Variants in RABGEF1 observed in about 807,000 individuals in gnomAD.
RABGEF1 encodes the protein RAB guanine nucleotide exchange factor 1, also known as rab5 GDP/GTP exchange factor.
A neutral mutation model predicts 57.3 loss-of-function variants in RABGEF1; 26 were observed. The ratio of observed to expected loss-of-function variants is 0.45; its 90% CI spans 0.33 to 0.63. The LOEUF (loss-of-function observed/expected upper bound fraction) is 0.63. Ranked by LOEUF, RABGEF1 falls within the 20% of genes least tolerant of loss-of-function variation. RABGEF1 has a pLI of 0.02. For missense variants in RABGEF1, 464 were observed against 607.6 expected, an observed-to-expected ratio of 0.76 and a Z score of 2.48; for synonymous variants, 185 against 210.7, an observed-to-expected ratio of 0.88 and a Z score of 1.06.
chr7:66,697,149 G>T (rs1448625476), intron 1 of RABGEF1, among the ~76,000 whole-genome samples: 1 of 152,106 alleles, frequency 6.6e-6, no homozygotes. Flanking sequence ...AGTGAGAGGG[G>T]CTGGGAAGAA....
intron 1 of RABGEF1, among the ~76,000 whole-genome samples, chr7:66,750,158 T>A (rs1019644182): frequency 2.0e-5 from 3 of 152,110 alleles, no homozygotes; most frequent in Non-Finnish European, 2.9e-5. Context: ...CTGATGAGAG[T>A]GTAGATTTTA....
the RABGEF1 span, among the ~76,000 whole-genome samples, chr7:66,661,316 A>C: frequency 2.0e-5 from 3 of 151,422 alleles, 1 homozygote; most frequent in Non-Finnish European, 1.5e-5. Flanking sequence ...AAAAAAAAAA[A>C]ATGAGGGCGT....
intron 1 of RABGEF1, among the ~76,000 whole-genome samples, chr7:66,770,626 G>T (rs1200686173): frequency 6.6e-6 from 1 of 152,116 alleles, no homozygotes; most frequent in Non-Finnish European, 1.5e-5. Context: ...TGGGACTACA[G>T]GCATACACCA....
In RABGEF1 at chr7:66,764,682, A is replaced by G. The variant is rs868723167; in HGVS notation, c.-17-7201A>G. Among the ~76,000 whole-genome samples the G allele has an allele frequency of 3.9e-5, 6 of 152,168 alleles. No individual in the cohort carries two copies. In the South Asian group the frequency reaches 1.2e-3, roughly 32 times the overall value. ...TAACATCGTTCTTTTGCATGTGGCT[A>G]TCCAATTTTCCCGGCACTATTTGGT... On this transcript the variant is annotated intron_variant, in intron 1 of 8. Coordinates refer to ENST00000284957, the MANE Select transcript of RABGEF1 (RefSeq NM_014504.3).
At chr7:66,804,845 C>T (rs911670316) in intron 7 of RABGEF1, among the ~76,000 whole-genome samples, 45 of 152,114 alleles carry the variant, frequency 3.0e-4, no homozygotes, top group Admixed American at 2.6e-4. Flanking sequence ...CATTTAACCT[C>T]TCTGAACTTC....
At chr7:66,743,285 G>A (rs1375142378) in intron 1 of RABGEF1, among the ~76,000 whole-genome samples, 1 of 150,940 alleles carries the variant, frequency 6.6e-6, no homozygotes, top group Non-Finnish European at 1.5e-5. Flanking sequence ...ACTCCAGCCT[G>A]GGCGACAGAG....
the RABGEF1 span, among the ~76,000 whole-genome samples, chr7:66,661,842 T>C: frequency 3.3e-5 from 5 of 152,206 alleles, no homozygotes; most frequent in Non-Finnish European, 5.9e-5. Flanking sequence ...ATATTACTTA[T>C]GAACATTGGT....
In RABGEF1 at chr7:66,716,421, G is replaced by A. The variant is rs1280648923; in HGVS notation, c.-815+4197G>A. 5.9e-5 allele frequency among the ~76,000 whole-genome samples: 9 copies of A among 152,098 alleles called. No homozygotes were observed. The East Asian group carries it at 7.7e-4, about 13-fold the overall frequency. On this transcript the variant is annotated intron_variant and NMD_transcript_variant, in intron 2 of 9. Transcript: ENST00000607882. ...TTGAGACCAGCCTGGGCAACGTGAC[G>A]AAAACCTGTCTCTACCAAAAATGCA...
intron 5 of RABGEF1, among the ~76,000 whole-genome samples, chr7:66,797,098 G>A (rs1005775605): frequency 1.3e-5 from 2 of 151,622 alleles, no homozygotes; most frequent in African/African-American, 2.4e-5. Context: ...CCAGGAGTTC[G>A]AGACCAGCCT....
intron 1 of RABGEF1, among the ~76,000 whole-genome samples, chr7:66,696,819 C>T (rs1043913078): frequency 2.6e-5 from 4 of 152,066 alleles, no homozygotes; most frequent in Non-Finnish European, 5.9e-5. Flanking sequence ...CACATCTGGC[C>T]CCCCATCTGG....
chr7:66,759,952 A>G (rs1379240042), intron 1 of RABGEF1, among the ~76,000 whole-genome samples: 4 of 152,336 alleles, frequency 2.6e-5, no homozygotes, highest in South Asian at 2.1e-4. Context: ...ACCATAAATC[A>G]TACAGTTTGC....
the RABGEF1 span, among the ~76,000 whole-genome samples, chr7:66,662,021 G>A: frequency 9.9e-5 from 15 of 152,198 alleles, no homozygotes; most frequent in African/African-American, 2.6e-4. Context: ...AGGCCGAGGC[G>A]GGTGGATCAC....
At chr7:66,750,526 A>G (rs1465195815) in intron 1 of RABGEF1, among the ~76,000 whole-genome samples, 1 of 152,194 alleles carries the variant, frequency 6.6e-6, no homozygotes, top group African/African-American at 2.4e-5. Context: ...GATGTAAGCT[A>G]TTTCCTTAAA....
rs1181891343 is a variant in RABGEF1 at position 66,783,823 on chromosome 7, A to C, written c.495A>C (p.Glu165Asp). ...EIYKQTKLFL[E>D]GMHYKRDLSI... ...ATAAACAGACCAAGCTGTTTTTGGA[A>C]GGAATGCATTACAAAAGGGTAGGTT... is the stretch of plus-strand genomic sequence containing the variant. The change falls in exon 4 of 9, where the codon GAA becomes GAC. Residue 165 changes from glutamate (E) to aspartate (D), a missense_variant. This residue lies in a region of RABGEF1 where 284 missense variants were observed against 389.9 expected (regional missense o/e 0.73). Coordinates refer to ENST00000284957, the MANE Select transcript of RABGEF1 (RefSeq NM_014504.3). The C allele has an allele frequency of 6.2e-7, 1 of 1,612,694 alleles. No homozygotes were observed. Among genetic ancestry groups the C allele is most frequent in the Non-Finnish European group, 8.5e-7 (1 of 1,179,268 alleles).
chr7:66,702,971 T>TTTTG (rs1351260871), intron 1 of RABGEF1, among the ~76,000 whole-genome samples: 2 of 152,130 alleles, frequency 1.3e-5, no homozygotes, highest in Admixed American at 1.3e-4. Context: ...ATCTAAGTTT[T>TTTTG]TTTGTTTGTT....
intron 2 of RABGEF1, among the ~76,000 whole-genome samples, chr7:66,717,934 T>G (rs1795588745): frequency 6.6e-6 from 1 of 152,232 alleles, no homozygotes; most frequent in Non-Finnish European, 1.5e-5. Flanking sequence ...TTGAGTTAAT[T>G]TTAAAACTCA....
chr7:66,741,536 A>G (rs1005360753), intron 1 of RABGEF1, among the ~76,000 whole-genome samples: 6 of 151,938 alleles, frequency 3.9e-5, no homozygotes, highest in Non-Finnish European at 8.8e-5. Flanking sequence ...CGGGTGACCA[A>G]TCCTTGCGGT....
chr7:66,736,230 G>C (rs1333073698), upstream of RABGEF1, among the ~76,000 whole-genome samples: 1 of 152,170 alleles, frequency 6.6e-6, no homozygotes, highest in Non-Finnish European at 1.5e-5. Flanking sequence ...CACTTTCTCA[G>C]ATAAACCCTA....
chr7:66,709,051 C>G (rs1477714605), intron 1 of RABGEF1, among the ~76,000 whole-genome samples: 1 of 150,684 alleles, frequency 6.6e-6, no homozygotes, highest in Admixed American at 6.6e-5. Context: ...GAGTTTCACT[C>G]ATGTCGCCCA....
Sources: allele counts gnomAD v4.1 joint callset (sites outside exome capture counted in the v4.1 genomes callset), GRCh38; gene constraint gnomAD v4.1.1; regional missense constraint gnomAD v4.1.1; transcripts MANE v1.5; gene names NCBI Gene and HGNC (gene_info 2026-07-23, HGNC 2026-07-21).